The following PACRG variants were observed in gnomAD, a reference collection of about 807,000 sequenced individuals.
PACRG encodes the protein parkin coregulated gene protein.
A neutral mutation model predicts 29.7 loss-of-function variants in PACRG; 29 were observed. That is an observed-to-expected ratio of 0.98 (90% confidence interval 0.73 to 1.33). PACRG has a LOEUF of 1.33. PACRG is among the 40% of genes most tolerant of loss of function. The pLI is 0.00. For missense variants in PACRG, 279 were observed against 316.2 expected (o/e 0.88, Z 0.89); for synonymous variants, 116 against 118.7 (o/e 0.98, Z 0.15).
At chr6:162,975,936 C>A (rs1025029822) in intron 2 of PACRG, among the ~76,000 whole-genome samples, 4 of 152,058 alleles carry the variant, frequency 2.6e-5, no homozygotes, top group African/African-American at 4.8e-5. Context: ...CCTGCCCCCT[C>A]GGAATTTGCA....
intron 4 of PACRG, among the ~76,000 whole-genome samples, chr6:163,267,841 A>G (rs563546968): frequency 2.6e-5 from 4 of 152,318 alleles, no homozygotes; most frequent in South Asian, 4.1e-4. Context: ...TTCTCTCCCA[A>G]TGGCTCACTC....
At chr6:162,830,346 C>T (rs1488899342) in intron 2 of PACRG, among the ~76,000 whole-genome samples, 1 of 152,140 alleles carries the variant, frequency 6.6e-6, no homozygotes, top group East Asian at 1.9e-4. Context: ...TGCCCCTACC[C>T]ACTCACCCAC....
intron 2 of PACRG, among the ~76,000 whole-genome samples, chr6:163,049,813 G>A (rs1676229248): frequency 6.6e-6 from 1 of 151,880 alleles, no homozygotes; most frequent in Non-Finnish European, 1.5e-5. Flanking sequence ...AGAAAAACAG[G>A]TAGTCATTTA....
At chr6:163,298,421 C>G (rs570899568) in intron 4 of PACRG, among the ~76,000 whole-genome samples, 1 of 152,338 alleles carries the variant, frequency 6.6e-6, no homozygotes, top group African/African-American at 2.4e-5. Flanking sequence ...AAAGCAGGCA[C>G]CCGTATGTGT....
At chr6:163,135,748 T>C (rs150857024) in intron 4 of PACRG, among the ~76,000 whole-genome samples, 622 of 152,320 alleles carry the variant, frequency 4.1e-3, no homozygotes, top group Middle Eastern at 0.01. Flanking sequence ...CTCTCCGATC[T>C]ACAAGCCCAG....
intron 2 of PACRG, among the ~76,000 whole-genome samples, chr6:162,913,694 T>C (rs1796474514): frequency 6.6e-6 from 1 of 152,204 alleles, no homozygotes; most frequent in African/African-American, 2.4e-5. Flanking sequence ...TTTGAGAGTC[T>C]CAGTTTCTCT....
At chr6:162,988,367 A>G (rs1281089039) in intron 2 of PACRG, among the ~76,000 whole-genome samples, 3 of 152,216 alleles carry the variant, frequency 2.0e-5, no homozygotes, top group African/African-American at 7.2e-5. Context: ...CAGGTTCAGC[A>G]TAGGTGAAAG....
At chr6:163,245,708 CT>C (rs1275361829) in intron 4 of PACRG, among the ~76,000 whole-genome samples, 1 of 152,112 alleles carries the variant, frequency 6.6e-6, no homozygotes, top group Non-Finnish European at 1.5e-5. Context: ...CTTCTAACTC[CT>C]GTGTCCGACT....
chr6:163,176,276 TG>T (rs1779355525), intron 4 of PACRG, among the ~76,000 whole-genome samples: 1 of 152,256 alleles, frequency 6.6e-6, no homozygotes, highest in Admixed American at 6.5e-5. Context: ...TCTCTTTTCC[TG>T]CTCACAGTTG....
intron 1 of PACRG, among the ~76,000 whole-genome samples, chr6:162,759,854 A>G (rs9458642): frequency 0.66 from 100,282 of 152,036 alleles, 33,733 homozygotes; most frequent in South Asian, 0.82. Context: ...TGTTTTTCTT[A>G]AAAATAAATA....
At chr6:163,170,190 T>G (rs1371817319) in intron 4 of PACRG, among the ~76,000 whole-genome samples, 1 of 152,064 alleles carries the variant, frequency 6.6e-6, no homozygotes, top group Non-Finnish European at 1.5e-5. Flanking sequence ...GGAAGGGAAC[T>G]GTTGAGGGGT....
At chr6:162,741,895 CAT>C (rs1350430826) in intron 1 of PACRG, among the ~76,000 whole-genome samples, 3 of 152,182 alleles carry the variant, frequency 2.0e-5, no homozygotes, top group African/African-American at 7.2e-5. Context: ...TTTACATACT[CAT>C]AATTTTTTTG....
intron 2 of PACRG, among the ~76,000 whole-genome samples, chr6:163,058,492 G>C (rs1321225064): frequency 6.6e-6 from 1 of 152,108 alleles, no homozygotes; most frequent in Non-Finnish European, 1.5e-5. Context: ...ACTAATGAAG[G>C]CTGGCCGTGG....
chr6:162,751,616 T>G (rs1355567638), intron 1 of PACRG, among the ~76,000 whole-genome samples: 3 of 152,176 alleles, frequency 2.0e-5, no homozygotes, highest in African/African-American at 7.2e-5. Context: ...AGATGAGGGA[T>G]ATAGGCTAAT....
intron 1 of PACRG, among the ~76,000 whole-genome samples, chr6:162,752,414 A>G (rs1239640587): frequency 6.6e-6 from 1 of 152,176 alleles, no homozygotes; most frequent in Admixed American, 6.5e-5. Flanking sequence ...TTTCCAGCAC[A>G]TATTCTGTTG....
intron 4 of PACRG, among the ~76,000 whole-genome samples, chr6:163,291,275 G>A (rs1211541956): frequency 7.7e-6 from 1 of 129,956 alleles, no homozygotes. Flanking sequence ...CCCTCTGCCC[G>A]CCAGAGCTGG....
chr6:163,275,441 A>T (rs1161123040), intron 4 of PACRG, among the ~76,000 whole-genome samples: 4 of 152,164 alleles, frequency 2.6e-5, no homozygotes, highest in African/African-American at 9.7e-5. Context: ...AGGTTGCCTG[A>T]GTATTGTCCT....
At chr6:163,021,911 A>T (rs1483938546) in intron 2 of PACRG, among the ~76,000 whole-genome samples, 1 of 151,112 alleles carries the variant, frequency 6.6e-6, no homozygotes, top group Non-Finnish European at 1.5e-5. Flanking sequence ...TCATAATTTT[A>T]TGATAACATT....
rs1387819260 is a variant in PACRG at position 162,990,741 on chromosome 6, A to C, written c.292-71409A>C. ...TTGCTGTGCAGAAGCTCTTTAGTTTAATTAGATCCCATTTGTCAATTTTGG... is the reference window on the plus strand; with the variant it reads ...TTGCTGTGCAGAAGCTCTTTAGTTTCATTAGATCCCATTTGTCAATTTTGG... On this transcript the variant is annotated intron_variant, in intron 2 of 4. Coordinates refer to ENST00000366888, the MANE Select transcript of PACRG (RefSeq NM_001080379.2). 2.2e-5 allele frequency among the ~76,000 whole-genome samples: 3 copies of C among 137,414 alleles called. 1 individual carries two copies. The highest frequency in any genetic ancestry group is 4.5e-5 in the Non-Finnish European group (3 of 66,920). The allele number at this position is 137,414 out of a possible 152,430, so 90.1% of individuals were successfully genotyped here.
Sources: allele counts gnomAD v4.1 joint callset (sites outside exome capture counted in the v4.1 genomes callset), GRCh38; gene constraint gnomAD v4.1.1; transcripts MANE v1.5; gene names NCBI Gene and HGNC (gene_info 2026-07-23, HGNC 2026-07-21).